Variants in OPCML observed in about 807,000 individuals in gnomAD.
OPCML encodes the protein opioid-binding protein/cell adhesion molecule.
Under a neutral mutation model 37.8 loss-of-function variants are expected in OPCML, and 13 were observed. That is an observed-to-expected ratio of 0.34 (90% CI 0.22 to 0.55). The LOEUF (loss-of-function observed/expected upper bound fraction) is 0.55, where lower values mean the gene tolerates loss of function less well. OPCML is among the 20% of genes least tolerant of loss of function. The probability of loss-of-function intolerance (pLI) is 0.91; values close to 1 mark genes in which losing one functional copy is unlikely to be tolerated. For missense variants in OPCML, 341 were observed against 435.6 expected (o/e 0.78, Z 1.93); for synonymous variants, 176 against 168.8 (o/e 1.04, Z -0.33).
At chr11:133,423,841 T>G (rs1459416303) in intron 1 of OPCML, among the ~76,000 whole-genome samples, 1 of 152,100 alleles carries the variant, frequency 6.6e-6, no homozygotes, top group Admixed American at 6.5e-5. Context: ...GAGCTGGTTG[T>G]TTAAAAGAGT....
chr11:132,442,422 C>T (rs2136784979), intron 4 of OPCML, among the ~76,000 whole-genome samples: 1 of 152,258 alleles, frequency 6.6e-6, no homozygotes, highest in Middle Eastern at 3.4e-3. Flanking sequence ...AATCTTGCAT[C>T]CAATTTTCCT....
intron 2 of OPCML, among the ~76,000 whole-genome samples, chr11:132,713,106 T>G (rs1944332735): frequency 6.6e-6 from 1 of 152,156 alleles, no homozygotes; most frequent in Admixed American, 6.5e-5. Context: ...GCTTGGGAGC[T>G]CCTTTAAAAT....
At chr11:132,901,282 C>T (rs935919883) in intron 2 of OPCML, among the ~76,000 whole-genome samples, 4 of 152,128 alleles carry the variant, frequency 2.6e-5, no homozygotes, top group Non-Finnish European at 5.9e-5. Context: ...GCCTCACATC[C>T]AGGACAAGCT....
At chr11:132,890,729 C>T (rs1343500105) in intron 2 of OPCML, among the ~76,000 whole-genome samples, 11 of 148,846 alleles carry the variant, frequency 7.4e-5, no homozygotes, top group South Asian at 4.3e-4. Flanking sequence ...TGGTGGTGGG[C>T]GCCTGTAGTC....
At chr11:133,178,425 C>A (rs1937655235) in intron 1 of OPCML, among the ~76,000 whole-genome samples, 1 of 151,754 alleles carries the variant, frequency 6.6e-6, no homozygotes, top group Admixed American at 6.6e-5. Flanking sequence ...TGGAAGGTCA[C>A]TTTTCAAATA....
intron 2 of OPCML, among the ~76,000 whole-genome samples, chr11:132,739,577 T>A (rs1225461063): frequency 6.6e-6 from 1 of 152,172 alleles, no homozygotes; most frequent in African/African-American, 2.4e-5. Flanking sequence ...ACCAACCTAA[T>A]AATTATCTCC....
intron 2 of OPCML, among the ~76,000 whole-genome samples, chr11:132,673,888 T>C (rs976928263): frequency 3.3e-5 from 5 of 152,150 alleles, no homozygotes; most frequent in African/African-American, 1.2e-4. Context: ...GAAGCTCCAC[T>C]CTATCCCATT....
At chr11:132,665,026 C>G (rs1020162868) in intron 2 of OPCML, among the ~76,000 whole-genome samples, 1 of 152,136 alleles carries the variant, frequency 6.6e-6, no homozygotes, top group Non-Finnish European at 1.5e-5. Context: ...AAGACAGTGC[C>G]ACACTAACAC....
intron 1 of OPCML, among the ~76,000 whole-genome samples, chr11:133,020,740 T>A (rs1272373466): frequency 6.6e-6 from 1 of 152,220 alleles, no homozygotes; most frequent in Non-Finnish European, 1.5e-5. Flanking sequence ...AGCTATGGGA[T>A]AAGACCAATT....
intron 1 of OPCML, among the ~76,000 whole-genome samples, chr11:133,049,212 G>A (rs1948082427): frequency 1.3e-5 from 2 of 152,156 alleles, no homozygotes; most frequent in Non-Finnish European, 2.9e-5. Flanking sequence ...TACATAAAAA[G>A]GAACTTACGC....
chr11:133,182,694 T>C (rs1403756923), intron 1 of OPCML, among the ~76,000 whole-genome samples: 1 of 152,114 alleles, frequency 6.6e-6, no homozygotes. Flanking sequence ...CAAGAGGTGG[T>C]TCACCTGCAA....
At chr11:132,631,029 T>C (rs543520277) in intron 3 of OPCML, among the ~76,000 whole-genome samples, 23 of 152,248 alleles carry the variant, frequency 1.5e-4, no homozygotes, top group South Asian at 8.3e-4. Flanking sequence ...AATAGATATA[T>C]ACTGTATAAA....
intron 2 of OPCML, among the ~76,000 whole-genome samples, chr11:132,727,055 T>A (rs1023864706): frequency 1.1e-4 from 17 of 152,214 alleles, no homozygotes; most frequent in African/African-American, 4.1e-4. Context: ...TGCTTAGCAC[T>A]ACGCTGATTG....
At chr11:132,798,372 A>G (rs1938455865) in intron 2 of OPCML, among the ~76,000 whole-genome samples, 3 of 152,182 alleles carry the variant, frequency 2.0e-5, no homozygotes, top group Admixed American at 2.0e-4. Context: ...CACCCAGCCC[A>G]ATTAACTAAA....
At chr11:133,449,035 GTTTA>G (rs1946527495) in intron 1 of OPCML, among the ~76,000 whole-genome samples, 1 of 152,128 alleles carries the variant, frequency 6.6e-6, no homozygotes, top group Non-Finnish European at 1.5e-5. Flanking sequence ...ACAAGTATTA[GTTTA>G]TTATTATGCA....
chr11:133,493,771 A>G (rs1427437843), intron 1 of OPCML, among the ~76,000 whole-genome samples: 1 of 152,214 alleles, frequency 6.6e-6, no homozygotes, highest in Non-Finnish European at 1.5e-5. Flanking sequence ...GTCCCTGCCC[A>G]TGCCTATGTC....
At chr11:132,804,567 C>T (rs374416032) in intron 2 of OPCML, among the ~76,000 whole-genome samples, 41 of 150,110 alleles carry the variant, frequency 2.7e-4, no homozygotes, top group African/African-American at 9.6e-4. Flanking sequence ...ATTTAGGCCC[C>T]GCTAGAATGA....
At chr11:132,963,426 C>T (rs777303028) in intron 1 of OPCML, among the ~76,000 whole-genome samples, 4 of 151,868 alleles carry the variant, frequency 2.6e-5, no homozygotes, top group Admixed American at 6.6e-5. Flanking sequence ...CCCGTCTCGA[C>T]TAAAAAATAC....
chr11:132,442,632 T>G (rs1261127382), intron 4 of OPCML, among the ~76,000 whole-genome samples: 4 of 152,236 alleles, frequency 2.6e-5, no homozygotes, highest in Non-Finnish European at 5.9e-5. Flanking sequence ...CCTTGAATTG[T>G]AATTATCCCC....
Sources: gnomAD v4.1 joint callset for allele counts (sites outside exome capture counted in the v4.1 genomes callset) on GRCh38, gnomAD v4.1.1 for gene constraint, MANE v1.5 for transcripts, NCBI Gene and HGNC (gene_info 2026-07-23, HGNC 2026-07-21) for gene names.